FRAS1: variants seen among roughly 807,000 people sequenced by gnomAD.
The protein encoded by FRAS1 is Fraser extracellular matrix complex subunit 1.
Under a neutral mutation model 435.2 loss-of-function variants are expected in FRAS1, and 290 were observed. The ratio of observed to expected loss-of-function variants is 0.67; its 90% CI spans 0.61 to 0.73. The LOEUF is 0.73. FRAS1 is among the 30% of genes least tolerant of loss of function. The pLI, the probability that FRAS1 is intolerant of heterozygous loss-of-function variation, is 0.00. For synonymous variants in FRAS1, 1,800 were observed against 1,851.0 expected (o/e 0.97, Z 0.71); for missense variants, 4,860 against 5,001.5 (o/e 0.97, Z 0.85).
chr4:78,148,926 C>T (rs1452207848), intron 2 of FRAS1, among the ~76,000 whole-genome samples: 1 of 152,276 alleles, frequency 6.6e-6, no homozygotes, highest in African/African-American at 2.4e-5. Context: ...GAGGCAATTT[C>T]CTGATTGGCA....
At chr4:78,497,006 A>C (rs751595656) in intron 60 of FRAS1, 45 bp downstream of exon 60, 1 of 1,469,472 alleles carries the variant, frequency 6.8e-7, no homozygotes, top group Non-Finnish European at 9.4e-7. Flanking sequence ...TTGAGGGGAC[A>C]TAAACTGATG....
intron 27 of FRAS1, among the ~76,000 whole-genome samples, chr4:78,383,558 T>C (rs1406961274): frequency 6.6e-6 from 1 of 151,928 alleles, no homozygotes; most frequent in African/African-American, 2.4e-5. Flanking sequence ...AGTAGGCTGG[T>C]GGGGAGTGAG....
At chr4:78,538,708 A>G (rs1308931185) in intron 72 of FRAS1, among the ~76,000 whole-genome samples, 1 of 152,134 alleles carries the variant, frequency 6.6e-6, no homozygotes, top group African/African-American at 2.4e-5. Context: ...TAATCCCAGC[A>G]CTTTGGGAGG....
intron 4 of FRAS1, among the ~76,000 whole-genome samples, chr4:78,247,344 G>T (rs115451643): frequency 0.01 from 1,525 of 152,144 alleles, 30 homozygotes; most frequent in African/African-American, 0.035. Context: ...TATATTTCTG[G>T]TATTTGATGT....
chr4:78,442,578 G>A (rs76631735), intron 41 of FRAS1, among the ~76,000 whole-genome samples: 208 of 152,300 alleles, frequency 1.4e-3, no homozygotes, highest in Middle Eastern at 6.8e-3. Context: ...CTCTCTGCGT[G>A]GTTTCTTATT....
chr4:78,391,992 G>A (rs905312170), intron 29 of FRAS1, among the ~76,000 whole-genome samples: 2 of 152,090 alleles, frequency 1.3e-5, no homozygotes, highest in Non-Finnish European at 2.9e-5. Context: ...CACCTTTTGG[G>A]GGGGTTTGAT....
In FRAS1 at chr4:78,435,313, A is replaced by C. The variant is rs1317067251; in HGVS notation, c.5217+2709A>C. 2.0e-5 allele frequency among the ~76,000 whole-genome samples: 3 copies of C among 152,218 alleles called. No individual in the cohort carries two copies. In the East Asian group the frequency reaches 5.8e-4, roughly 29 times the overall value. ...ACAAACAATGAACATTCTGAAAAAG[A>C]ATATTAGGAGGGCAAGGGGATTTAC... On this transcript the variant is annotated intron_variant, in intron 38 of 73. Coordinates refer to ENST00000512123, the MANE Select transcript of FRAS1 (RefSeq NM_025074.7).
intron 1 of FRAS1, among the ~76,000 whole-genome samples, chr4:78,059,813 T>C (rs1022485599): frequency 3.5e-4 from 49 of 140,322 alleles, no homozygotes; most frequent in African/African-American, 1.3e-3. Context: ...GTGGGCCAAG[T>C]TTAAGAAGTG....
At chr4:78,429,048 G>GTGTT (rs2110384717) in intron 35 of FRAS1, 47 bp from the exon 36 acceptor site, 1 of 1,350,228 alleles carries the variant, frequency 7.4e-7, no homozygotes, top group Non-Finnish European at 9.9e-7. Flanking sequence ...GCGTGTCTCT[G>GTGTT]TGTGTGTGTG....
In FRAS1 at chr4:78,121,891, C is replaced by A. The variant is rs533584357; in HGVS notation, c.108+55875C>A. On this transcript the variant is annotated intron_variant, in intron 2 of 73. Transcript: ENST00000512123. Reference sequence around the variant, plus strand: ...ATCTTGGGATGCCCAAAGGTAAAGACATTGACATGGCCAGGATACATGTTT... The same window carrying A: ...ATCTTGGGATGCCCAAAGGTAAAGAAATTGACATGGCCAGGATACATGTTT... 2.6e-5 allele frequency among the ~76,000 whole-genome samples: 4 copies of A among 152,260 alleles called. No individual in the cohort carries two copies. In the South Asian group the frequency reaches 8.3e-4, roughly 32 times the overall value.
chr4:78,221,894 T>C (rs2110097179), intron 2 of FRAS1, among the ~76,000 whole-genome samples: 1 of 152,328 alleles, frequency 6.6e-6, no homozygotes, highest in South Asian at 2.1e-4. Context: ...GGATGAAGCC[T>C]AGGAAACAAA....
At chr4:78,358,364 C>G (rs1260841361) in intron 20 of FRAS1, among the ~76,000 whole-genome samples, 3 of 152,132 alleles carry the variant, frequency 2.0e-5, no homozygotes, top group East Asian at 1.9e-4. Context: ...TCATAAATGG[C>G]TCTTGAAATA....
intron 48 of FRAS1, 124 bp downstream of exon 48, chr4:78,464,269 A>G (rs1578339774): frequency 7.2e-7 from 1 of 1,393,176 alleles, no homozygotes; most frequent in Non-Finnish European, 9.7e-7. Flanking sequence ...GTCAAGGGGT[A>G]GGGGCAGCCT....
intron 72 of FRAS1, among the ~76,000 whole-genome samples, chr4:78,538,919 C>T (rs2109909820): frequency 6.7e-6 from 1 of 148,774 alleles, no homozygotes; most frequent in Non-Finnish European, 1.5e-5. Context: ...CGCGCCACTG[C>T]ACTCCAGCCT....
At position 78,489,099 on chromosome 4, in the gene FRAS1, G is replaced by C. The variant is rs755457454; in HGVS notation, c.8958+19G>C. The C allele has an allele frequency of 6.3e-7, 1 of 1,594,494 alleles. No individual in the cohort carries two copies. Among genetic ancestry groups the C allele is most frequent in the Non-Finnish European group, 8.6e-7 (1 of 1,167,988 alleles). ...GGACAAAGTAAGTGGATTGGTGGTG[G>C]CTGAAAGATGAGATTCTCTTATTGT... is the stretch of plus-strand genomic sequence containing the variant. On this transcript the variant is annotated intron_variant, in intron 59 of 73. Coordinates refer to ENST00000512123, the MANE Select transcript of FRAS1 (RefSeq NM_025074.7).
At chr4:78,513,736 C>A (rs17470023) in intron 65 of FRAS1, among the ~76,000 whole-genome samples, 184 bp downstream of exon 65, 21,323 of 152,214 alleles carry the variant, frequency 0.14, 1,787 homozygotes, top group Non-Finnish European at 0.2. Flanking sequence ...CAGGAAGAAA[C>A]AAGGACTTTG....
rs769252133 is a variant in FRAS1 at position 78,452,374 on chromosome 4, A to T, written c.6763+20A>T. The T allele has an allele frequency of 1.3e-6, 2 of 1,573,436 alleles. No individual in the cohort carries two copies. Among genetic ancestry groups the T allele is most frequent in the Non-Finnish European group, 1.7e-6 (2 of 1,163,494 alleles). ...CACCAGGTAAGTCTATCATCTCTTG[A>T]TTTACTGAATCAAAACTTAGACCTT... is the stretch of plus-strand genomic sequence containing the variant. On this transcript the variant is annotated intron_variant, in intron 47 of 73. Coordinates refer to ENST00000512123, the MANE Select transcript of FRAS1 (RefSeq NM_025074.7).
chr4:78,113,229 G>T (rs1742868295), intron 2 of FRAS1, among the ~76,000 whole-genome samples: 1 of 152,118 alleles, frequency 6.6e-6, no homozygotes, highest in African/African-American at 2.4e-5. Context: ...GTCTATCATT[G>T]TTGGACATTT....
intron 2 of FRAS1, among the ~76,000 whole-genome samples, chr4:78,190,707 A>G (rs575462843): frequency 6.6e-6 from 1 of 151,072 alleles, no homozygotes; most frequent in Admixed American, 6.6e-5. Flanking sequence ...TGCTTAGTAC[A>G]TGTTATTTGA....
Sources: gnomAD v4.1 joint callset for allele counts (sites outside exome capture counted in the v4.1 genomes callset) on GRCh38, gnomAD v4.1.1 for gene constraint, MANE v1.5 for transcripts, NCBI Gene and HGNC (gene_info 2026-07-23, HGNC 2026-07-21) for gene names.